Variants in LHX2 observed in about 807,000 individuals in gnomAD.
LHX2 encodes the protein LIM homeobox 2, also known as LIM/homeobox protein Lhx2.
A neutral mutation model predicts 33.0 loss-of-function variants in LHX2; 6 were observed. That is an observed-to-expected ratio of 0.18 (90% CI 0.10 to 0.36). The LOEUF (loss-of-function observed/expected upper bound fraction) is 0.36. Ranked by LOEUF, LHX2 falls within the 10% of genes least tolerant of loss-of-function variation. The pLI, the probability that LHX2 is intolerant of heterozygous loss-of-function variation, is 1.00. For synonymous variants in LHX2, 292 were observed against 253.1 expected, an observed-to-expected ratio of 1.15 and a Z score of -1.46; for missense variants, 442 against 586.2, an observed-to-expected ratio of 0.75 and a Z score of 2.54.
rs755425780 is a variant in LHX2 at position 124,023,946 on chromosome 9, C to G, written c.933+2642C>G. 1.6e-4 allele frequency among the ~76,000 whole-genome samples: 25 copies of G among 152,360 alleles called. No individual in the cohort carries two copies. The South Asian group carries it at 2.5e-3, about 15-fold the overall frequency. The stretch of plus-strand genomic sequence containing the variant: ...TGCTGTGTACCAGGCAGCATGATCC[C>G]TCTTCCCCCACCATCCAGATGAGAA... On this transcript the variant is annotated intron_variant, in intron 4 of 4. Coordinates refer to ENST00000373615, the MANE Select transcript of LHX2 (RefSeq NM_004789.4).
rs1427035633 is a variant in LHX2, at chr9:124,021,250, C to T, written c.879C>T (p.Ala293=). The T allele has an allele frequency of 1.3e-5, 21 of 1,614,052 alleles. 1 individual carries two copies. In the South Asian group the frequency reaches 2.0e-4, roughly 15 times the overall value. ...TTGCCATTAACCACAACCCCGACGC[C>T]AAGGACTTGAAGCAGCTCGCGCAAA... is the stretch of plus-strand genomic sequence containing the variant. The part of the protein sequence containing the change: ...SYFAINHNPD[A]KDLKQLAQKT... The change falls in exon 4 of 5, where the codon GCC becomes GCT. Residue 293 remains alanine, a synonymous_variant. Transcript: ENST00000373615.
rs2118746590 is a variant in LHX2 at position 124,014,298 on chromosome 9, G to C, written c.323+135G>C. 1 of 600,956 alleles carries C rather than the reference G, an allele frequency of 1.7e-6. No homozygotes were observed. The highest frequency in any genetic ancestry group is 3.0e-5 in the East Asian group (1 of 33,736). The allele number at this position is 600,956 out of a possible 1,614,324, so 37.2% of individuals were successfully genotyped here. A position where few individuals can be genotyped will look rare whatever the true frequency, so the allele number is the denominator to read the frequency against. ...CAGGACTCCCCCGCTCCCCCCCCAA[G>C]TTCTCCAAGCCACCACAAGTTGGGT... On this transcript the variant is annotated intron_variant, in intron 2 of 4. Coordinates refer to ENST00000373615, the MANE Select transcript of LHX2 (RefSeq NM_004789.4). This position sits in a 1 kb window ranked among gnomAD's most constrained non-coding sequence, Gnocchi z 4.8.
At chr9:124,013,398 C>T (rs767646233) in intron 1 of LHX2, among the ~76,000 whole-genome samples, 2 of 152,332 alleles carry the variant, frequency 1.3e-5, no homozygotes, top group African/African-American at 4.8e-5. Flanking sequence ...CATCCCCGGA[C>T]CCAAGAGGGC....
intron 1 of LHX2, among the ~76,000 whole-genome samples, chr9:124,013,743 G>A (rs535752265): frequency 6.6e-6 from 1 of 152,392 alleles, no homozygotes; most frequent in East Asian, 1.9e-4. Flanking sequence ...TGGGCCCGTG[G>A]CTGGCGAGGG....
At position 124,021,161 on chromosome 9, in the gene LHX2, C is replaced by A; in HGVS notation, c.790C>A (p.Gln264Lys). 1.2e-6 allele frequency: 2 copies of A among 1,614,216 alleles called. No homozygotes were observed. The highest frequency in any genetic ancestry group is 1.7e-6 in the Non-Finnish European group (2 of 1,180,034). The change falls in exon 4 of 5, where the codon CAG becomes AAG. Residue 264 changes from glutamine to lysine, a missense_variant. Gln to Lys is a moderately conservative substitution (Grantham distance 53). This residue lies in a region of LHX2 where 132 missense variants were observed against 139.1 expected (regional missense o/e 0.95). Coordinates refer to ENST00000373615, the MANE Select transcript of LHX2 (RefSeq NM_004789.4). ...CCGTGACCAGCCATACCCGAGCAGC[C>A]AGAAGACCAAGCGCATGCGCACGTC... ...LDRDQPYPSS[Q>K]KTKRMRTSFK...
At position 124,015,773 on chromosome 9, in the gene LHX2, T is replaced by C. The variant is rs1859179163; in HGVS notation, c.727+248T>C. ...GCCTTGTCTCTGATAAATTGTTTTTTTGGAGATGGCTTTTTGGTTTGGGCC... is the reference window on the plus strand; with the variant it reads ...GCCTTGTCTCTGATAAATTGTTTTTCTGGAGATGGCTTTTTGGTTTGGGCC... On this transcript the variant is annotated intron_variant, in intron 3 of 4. Transcript: ENST00000373615. This position sits in a 1 kb window ranked among gnomAD's most constrained non-coding sequence, Gnocchi z 7.9. 6.6e-6 allele frequency among the ~76,000 whole-genome samples: 1 copy of C among 152,226 alleles called. No homozygotes were observed. Among genetic ancestry groups the C allele is most frequent in the Non-Finnish European group, 1.5e-5 (1 of 68,040 alleles).
chr9:124,022,359 C>T (rs1859308266), intron 4 of LHX2, among the ~76,000 whole-genome samples: 1 of 152,226 alleles, frequency 6.6e-6, no homozygotes, highest in African/African-American at 2.4e-5. Context: ...CATTAGCTGG[C>T]ATGATTCACT....
chr9:124,012,190 C>T lies in LHX2; in HGVS notation c.-159C>T, dbSNP rs1461454580. 1 of 618,582 alleles carries T rather than the reference C, an allele frequency of 1.6e-6. No homozygotes were observed. Among genetic ancestry groups the T allele is most frequent in the Non-Finnish European group, 2.2e-6 (1 of 459,966 alleles). The allele number at this position is 618,582 out of a possible 1,614,324, so 38.3% of individuals were successfully genotyped here. A position where few individuals can be genotyped will look rare whatever the true frequency, so the allele number is the denominator to read the frequency against. ...CGTCCTGCCCCGCGAGCGCCCGGGG[C>T]CCGGAGCCCGGCCTGGGGGCTCAGC... On this transcript the variant is annotated 5_prime_UTR_variant, in exon 1 of 5. Coordinates refer to ENST00000373615, the MANE Select transcript of LHX2 (RefSeq NM_004789.4). This position sits in a 1 kb window ranked among gnomAD's most constrained non-coding sequence, Gnocchi z 4.3.
rs573482470 is a variant in LHX2, at chr9:124,016,857, C to CA, written c.727+1339dup. On this transcript the variant is annotated intron_variant, in intron 3 of 4. Transcript: ENST00000373615. The surrounding 1 kb of genome is among the most constrained non-coding windows in gnomAD (Gnocchi z 4.4). ...CCATCCCTCCTCTCCTACCACCCCC[C>CA]AAAAAAAGACAAAACCGAGTTCAGA... Among the ~76,000 whole-genome samples the CA allele has an allele frequency of 1.2e-3, 188 of 152,098 alleles. No homozygotes were observed. Among genetic ancestry groups the CA allele is most frequent in the African/African-American group, 4.2e-3 (176 of 41,486 alleles).
chr9:124,026,008 C>T (rs1315110103), intron 4 of LHX2, among the ~76,000 whole-genome samples: 1 of 151,978 alleles, frequency 6.6e-6, no homozygotes, highest in Non-Finnish European at 1.5e-5. Flanking sequence ...TAAATAGCAT[C>T]TTTCAGGTGA....
Position 124,032,098 on chromosome 9 carries a change from GC to G in LHX2, c.934-320del. On this transcript the variant is annotated intron_variant, in intron 4 of 4. Transcript: ENST00000373615. The surrounding 1 kb of genome is among the most constrained non-coding windows in gnomAD (Gnocchi z 4.1). Reference sequence around the variant, plus strand: ...AAAAATAACTTAAAAAGTTAGCGGGGCCGGTGGTGCTCACCTATCTATAGCC... The same window carrying G: ...AAAAATAACTTAAAAAGTTAGCGGGGCGGTGGTGCTCACCTATCTATAGCC... The G allele has an allele frequency of 3.7e-6, 1 of 268,800 alleles. No homozygotes were observed. The highest frequency in any genetic ancestry group is 7.3e-5 in the East Asian group (1 of 13,748). 16.7% of individuals were successfully genotyped at this position (268,800 alleles called of 1,614,324 possible). A position where few individuals can be genotyped will look rare whatever the true frequency, so the allele number is the denominator to read the frequency against.
At chr9:124,021,326 G>A (rs779563604) in intron 4 of LHX2, 22 bp downstream of exon 4, 5 of 1,607,202 alleles carry the variant, frequency 3.1e-6, no homozygotes, top group Admixed American at 1.7e-5. Context: ...CCAGGGGTGA[G>A]GGCATCTGCG....
At chr9:124,020,149 T>C (rs1734080914) in intron 3 of LHX2, among the ~76,000 whole-genome samples, 1 of 152,186 alleles carries the variant, frequency 6.6e-6, no homozygotes, top group South Asian at 2.1e-4. Flanking sequence ...TCATTTCCCT[T>C]AGCGTTAGTT....
intron 1 of LHX2, among the ~76,000 whole-genome samples, chr9:124,013,149 C>T (rs534987286): frequency 6.6e-6 from 1 of 152,178 alleles, no homozygotes; most frequent in South Asian, 2.1e-4. Context: ...GGGGGCCAGA[C>T]GAGCAGACAC....
In LHX2 at chr9:124,015,068, A is replaced by AG. The variant is rs749834720; in HGVS notation, c.324-48dup. On this transcript the variant is annotated intron_variant, in intron 2 of 4. Transcript: ENST00000373615. The surrounding 1 kb of genome is among the most constrained non-coding windows in gnomAD (Gnocchi z 7.9). ...CAGCAGCGGCACCTGGAGGAGGAAA[A>AG]GGGGGGTACCCAACCGTGTGTTCCC... is the stretch of plus-strand genomic sequence containing the variant. 1.4e-5 allele frequency: 23 copies of AG among 1,586,400 alleles called. No homozygotes were observed. The highest frequency in any genetic ancestry group is 2.0e-5 in the Non-Finnish European group (23 of 1,169,414).
Position 124,032,391 on chromosome 9 carries a change from C to A in LHX2, c.934-29C>A. The A allele has an allele frequency of 6.4e-7, 1 of 1,553,092 alleles. No homozygotes were observed. The highest frequency in any genetic ancestry group is 1.2e-5 in the South Asian group (1 of 83,148). On this transcript the variant is annotated intron_variant, in intron 4 of 4. Coordinates refer to ENST00000373615, the MANE Select transcript of LHX2 (RefSeq NM_004789.4). This position sits in a 1 kb window ranked among gnomAD's most constrained non-coding sequence, Gnocchi z 4.1. Reference sequence around the variant, plus strand: ...GGGGATGCTCTGCCTGCCTTCCGCTCACCAGCCCTTCCCTGTCGTCCCCCG... The same window carrying A: ...GGGGATGCTCTGCCTGCCTTCCGCTAACCAGCCCTTCCCTGTCGTCCCCCG...
intron 4 of LHX2, among the ~76,000 whole-genome samples, chr9:124,024,224 A>C (rs1308011031): frequency 1.3e-5 from 2 of 152,218 alleles, no homozygotes; most frequent in East Asian, 1.9e-4. Flanking sequence ...GCACATGGTG[A>C]TGCAGCAGTT....
Position 124,015,447 on chromosome 9 carries a change from G to T in LHX2, c.649G>T (p.Val217Leu). Residue 217 changes from valine (V) to leucine (L), a missense_variant, in exon 3 of 5, where the codon GTG becomes TTG. Physicochemically the swap from Val to Leu is conservative, Grantham distance 32 (BLOSUM62 1). Transcript: ENST00000373615. The surrounding 1 kb of genome is among the most constrained non-coding windows in gnomAD (Gnocchi z 7.9). ...NPLGLPYYNG[V>L]GTVQKGRPRK... Reference sequence around the variant, plus strand: ...TCTGGGTCTTCCCTACTACAATGGCGTGGGCACTGTGCAGAAGGGGCGGCC... The same window carrying T: ...TCTGGGTCTTCCCTACTACAATGGCTTGGGCACTGTGCAGAAGGGGCGGCC... 1 of 1,568,810 alleles carries T rather than the reference G, an allele frequency of 6.4e-7. No individual in the cohort carries two copies. The highest frequency in any genetic ancestry group is 1.2e-5 in the South Asian group (1 of 84,928).
intron 1 of LHX2, among the ~76,000 whole-genome samples, chr9:124,013,354 G>C (rs899738859): frequency 1.3e-5 from 2 of 152,202 alleles, no homozygotes; most frequent in Admixed American, 1.3e-4. Context: ...CTTCACCCAC[G>C]GACTTTGAGG....
Sources: gnomAD v4.1 joint callset for allele counts (sites outside exome capture counted in the v4.1 genomes callset) on GRCh38, gnomAD v4.1.1 for gene constraint, gnomAD v4.1.1 regional missense constraint, Gnocchi (gnomAD v3.1) non-coding constraint, MANE v1.5 for transcripts, NCBI Gene and HGNC (gene_info 2026-07-23, HGNC 2026-07-21) for gene names.